The following RIMS1 variants were observed in gnomAD, a reference collection of about 807,000 sequenced individuals.
RIMS1 encodes the protein regulating synaptic membrane exocytosis protein 1.
Under a neutral mutation model 214.1 loss-of-function variants are expected in RIMS1, and 83 were observed. The ratio of observed to expected loss-of-function variants is 0.39; its 90% CI spans 0.32 to 0.47. The LOEUF (loss-of-function observed/expected upper bound fraction) is 0.47, where lower values mean the gene tolerates loss of function less well. Ranked by LOEUF, RIMS1 falls within the 20% of genes least tolerant of loss-of-function variation. The probability of loss-of-function intolerance (pLI) is 0.99; values close to 1 mark genes in which losing one functional copy is unlikely to be tolerated. For synonymous variants in RIMS1, 793 were observed against 786.8 expected (o/e 1.01, Z -0.13); for missense variants, 2,050 against 2,161.8 (o/e 0.95, Z 1.03).
intron 29 of RIMS1, 146 bp from the exon 30 acceptor site, chr6:72,390,452 A>T: frequency 1.1e-6 from 1 of 926,900 alleles, no homozygotes; most frequent in Non-Finnish European, 1.6e-6. Context: ...AGCCTGAATC[A>T]AGCAAAGTAC....
intron 2 of RIMS1, among the ~76,000 whole-genome samples, chr6:72,011,003 A>G (rs1345830183): frequency 6.6e-6 from 1 of 152,210 alleles, no homozygotes; most frequent in Non-Finnish European, 1.5e-5. Context: ...GGAACCAAAA[A>G]AGAGCCTGCA....
At chr6:71,974,865 A>G (rs552905999) in intron 2 of RIMS1, among the ~76,000 whole-genome samples, 1 of 152,304 alleles carries the variant, frequency 6.6e-6, no homozygotes, top group African/African-American at 2.4e-5. Context: ...AAGATACATT[A>G]ATTTGTAAGC....
chr6:72,322,800 A>G (rs141379291), intron 28 of RIMS1, among the ~76,000 whole-genome samples: 123 of 152,266 alleles, frequency 8.1e-4, no homozygotes, highest in Non-Finnish European at 1.5e-3. Context: ...CTTACTTACT[A>G]GGCTGAGAAA....
chr6:72,288,119 GA>G (rs767432274), intron 24 of RIMS1, among the ~76,000 whole-genome samples: 1 of 152,070 alleles, frequency 6.6e-6, no homozygotes, highest in Non-Finnish European at 1.5e-5. Flanking sequence ...TCACTAGACA[GA>G]AAAGAGAGCA....
rs1298542560 is a variant in RIMS1, at chr6:72,152,724, A to ATG, written c.472-26850_472-26849insGT. ...AATATATGTATATATATGTGAATAT[A>ATG]TATATATGGAATATATGTATATATA... On this transcript the variant is annotated intron_variant, in intron 4 of 33. Coordinates refer to ENST00000521978, the MANE Select transcript of RIMS1 (RefSeq NM_014989.7). Among the ~76,000 whole-genome samples, 2 of 142,422 alleles carry ATG rather than the reference A, an allele frequency of 1.4e-5. 1 individual carries two copies. Among genetic ancestry groups the ATG allele is most frequent in the African/African-American group, 5.2e-5 (2 of 38,396 alleles). The allele number at this position is 142,422 out of a possible 152,430, so 93.4% of individuals were successfully genotyped here.
At chr6:71,967,457 G>C (rs1794767231) in intron 1 of RIMS1, among the ~76,000 whole-genome samples, 1 of 152,142 alleles carries the variant, frequency 6.6e-6, no homozygotes, top group South Asian at 2.1e-4. Flanking sequence ...ATTTTCGAAT[G>C]CTTTGAAGTT....
At chr6:72,064,516 A>G (rs1828787741) in intron 2 of RIMS1, among the ~76,000 whole-genome samples, 1 of 152,214 alleles carries the variant, frequency 6.6e-6, no homozygotes, top group African/African-American at 2.4e-5. Context: ...GAAGGAAGGA[A>G]GAAATGCATA....
At chr6:72,239,294 A>G (rs2065663755) in intron 9 of RIMS1, among the ~76,000 whole-genome samples, 1 of 152,210 alleles carries the variant, frequency 6.6e-6, no homozygotes, top group South Asian at 2.1e-4. Flanking sequence ...GGTGTTCTAT[A>G]TAAAATATCT....
At chr6:72,305,887 G>A (rs1420645520) in intron 26 of RIMS1, among the ~76,000 whole-genome samples, 1 of 152,126 alleles carries the variant, frequency 6.6e-6, no homozygotes. Context: ...TTTAAACAAA[G>A]TGAAACATTT....
chr6:71,975,415 G>A (rs538209138), intron 2 of RIMS1, among the ~76,000 whole-genome samples: 1 of 152,280 alleles, frequency 6.6e-6, no homozygotes, highest in African/African-American at 2.4e-5. Flanking sequence ...TCCAGAAAGA[G>A]AATATGATAG....
intron 2 of RIMS1, among the ~76,000 whole-genome samples, chr6:71,980,712 G>C (rs1055231012): frequency 1.3e-4 from 20 of 152,124 alleles, no homozygotes; most frequent in Admixed American, 1.3e-3. Context: ...GGACCAATTA[G>C]TAGATGATTA....
At chr6:71,957,855 CTTG>C (rs747016250) in intron 1 of RIMS1, among the ~76,000 whole-genome samples, 11 of 141,972 alleles carry the variant, frequency 7.7e-5, no homozygotes, top group East Asian at 1.9e-4. Context: ...TATGCTTGAT[CTTG>C]TTGTTTTTAT....
At chr6:72,057,505 T>C (rs1387238650) in intron 2 of RIMS1, among the ~76,000 whole-genome samples, 2 of 150,300 alleles carry the variant, frequency 1.3e-5, no homozygotes, top group African/African-American at 2.4e-5. Flanking sequence ...TTTCTTTTTT[T>C]TTTTTTTTTT....
chr6:71,958,534 G>T (rs1791970396), intron 1 of RIMS1, among the ~76,000 whole-genome samples: 1 of 152,104 alleles, frequency 6.6e-6, no homozygotes, highest in African/African-American at 2.4e-5. Flanking sequence ...AAGTGGTCAG[G>T]TAATTTGAGG....
intron 2 of RIMS1, among the ~76,000 whole-genome samples, chr6:72,031,381 C>T (rs1025795872): frequency 2.1e-4 from 32 of 152,096 alleles, no homozygotes; most frequent in African/African-American, 6.5e-4. Flanking sequence ...AACTCATCCA[C>T]CCAAGAAAGC....
chr6:72,290,268 A>C (rs575122702), intron 24 of RIMS1, among the ~76,000 whole-genome samples: 1 of 152,320 alleles, frequency 6.6e-6, no homozygotes, highest in South Asian at 2.1e-4. Flanking sequence ...AAGCACTTGA[A>C]GCTTTCCTGT....
intron 4 of RIMS1, among the ~76,000 whole-genome samples, chr6:72,114,702 CT>C (rs886269929): frequency 4.9e-4 from 75 of 151,546 alleles, no homozygotes; most frequent in African/African-American, 1.7e-3. Flanking sequence ...TTCTCTGTAC[CT>C]TTTTTTTCCT....
intron 2 of RIMS1, among the ~76,000 whole-genome samples, chr6:72,039,105 T>C (rs1562178783): frequency 6.6e-6 from 1 of 152,142 alleles, no homozygotes; most frequent in Non-Finnish European, 1.5e-5. Flanking sequence ...TGAATGCTCT[T>C]TTGTTTGTAT....
At chr6:72,344,274 T>C (rs1447266664) in intron 29 of RIMS1, among the ~76,000 whole-genome samples, 1 of 151,796 alleles carries the variant, frequency 6.6e-6, no homozygotes, top group Non-Finnish European at 1.5e-5. Flanking sequence ...CAAAATGTTC[T>C]CTGGTAATTT....
Sources: allele counts gnomAD v4.1 joint callset (sites outside exome capture counted in the v4.1 genomes callset), GRCh38; gene constraint gnomAD v4.1.1; transcripts MANE v1.5; gene names NCBI Gene and HGNC (gene_info 2026-07-23, HGNC 2026-07-21).